The following MARCHF11 variants were observed in gnomAD, a reference collection of about 807,000 sequenced individuals.
MARCHF11 encodes E3 ubiquitin-protein ligase MARCHF11.
MARCHF11 carries 29 observed loss-of-function variants against 37.3 expected under a neutral mutation model. The ratio of observed to expected loss-of-function variants is 0.78; its 90% confidence interval spans 0.58 to 1.06. The LOEUF (loss-of-function observed/expected upper bound fraction) is 1.06. Among genes scored for constraint, MARCHF11 ranks in the 50% least tolerant of loss-of-function variants. MARCHF11 has a pLI of 0.00. For missense variants in MARCHF11, 482 were observed against 533.4 expected, an observed-to-expected ratio of 0.90 and a Z score of 0.95; for synonymous variants, 233 against 228.0, an observed-to-expected ratio of 1.02 and a Z score of -0.20.
At chr5:16,167,181 TGTA>T (rs1738186246) in intron 2 of MARCHF11, among the ~76,000 whole-genome samples, 1 of 135,016 alleles carries the variant, frequency 7.4e-6, no homozygotes, top group Non-Finnish European at 1.6e-5. Context: ...TGTGTGTGTG[TGTA>T]AGAGAGTAAT....
At chr5:16,112,760 C>A (rs773489448) in intron 2 of MARCHF11, among the ~76,000 whole-genome samples, 10 of 152,114 alleles carry the variant, frequency 6.6e-5, no homozygotes, top group Non-Finnish European at 1.2e-4. Flanking sequence ...CTACCTAAAT[C>A]TCATCTTGAA....
intron 3 of MARCHF11, among the ~76,000 whole-genome samples, chr5:16,086,461 C>T (rs562733741): frequency 6.6e-6 from 1 of 152,268 alleles, no homozygotes; most frequent in South Asian, 2.1e-4. Flanking sequence ...GAGACCAAAG[C>T]AATCCGTGTT....
At chr5:16,101,277 G>C (rs1408705882) in intron 2 of MARCHF11, among the ~76,000 whole-genome samples, 1 of 152,170 alleles carries the variant, frequency 6.6e-6, no homozygotes, top group African/African-American at 2.4e-5. Context: ...TCAGGAGGCT[G>C]AGGCAGGAGA....
At chr5:16,076,827 A>G (rs974497583) in intron 3 of MARCHF11, among the ~76,000 whole-genome samples, 4 of 152,240 alleles carry the variant, frequency 2.6e-5, no homozygotes, top group Non-Finnish European at 5.9e-5. Context: ...CAACTCAGAC[A>G]TCGGGAGCCA....
chr5:16,090,861 G>A (rs1013899823), intron 3 of MARCHF11, 28 bp downstream of exon 3: 4 of 1,445,596 alleles, frequency 2.8e-6, no homozygotes, highest in Non-Finnish European at 3.7e-6. Flanking sequence ...TACTGACAGT[G>A]TGTTAACGTT....
intron 3 of MARCHF11, among the ~76,000 whole-genome samples, chr5:16,085,815 C>T (rs1736687718): frequency 6.6e-6 from 1 of 151,546 alleles, no homozygotes; most frequent in South Asian, 2.1e-4. Flanking sequence ...AGGTGGGCGC[C>T]TGTAGTCCCA....
intron 2 of MARCHF11, among the ~76,000 whole-genome samples, chr5:16,111,217 C>G (rs1737132445): frequency 6.6e-6 from 1 of 152,102 alleles, no homozygotes. Context: ...GACTTTGGAA[C>G]TGGGTAACAG....
chr5:16,102,695 G>A (rs1736977813), intron 2 of MARCHF11, among the ~76,000 whole-genome samples: 1 of 152,146 alleles, frequency 6.6e-6, no homozygotes, highest in African/African-American at 2.4e-5. Context: ...CATATTTCAA[G>A]TCTGTGTGAC....
At chr5:16,114,588 G>C (rs912616298) in intron 2 of MARCHF11, among the ~76,000 whole-genome samples, 1 of 151,912 alleles carries the variant, frequency 6.6e-6, no homozygotes, top group South Asian at 2.1e-4. Context: ...AGAATCACTC[G>C]ATAGCCCAAC....
intron 2 of MARCHF11, among the ~76,000 whole-genome samples, chr5:16,120,018 T>C (rs537303759): frequency 3.9e-4 from 59 of 152,318 alleles, no homozygotes; most frequent in Non-Finnish European, 5.9e-4. Context: ...TCCAAGGACA[T>C]GAGCAGAGGC....
rs369954959 is a variant in MARCHF11 at position 16,106,064 on chromosome 5, AG to A, written c.694-14984del. On this transcript the variant is annotated intron_variant, in intron 2 of 3. Transcript: ENST00000332432. ...AAGAGACCATGAGTTTCATAATGGG[AG>A]CTGGGTGGACAGACATCAATGCAAG... 1.7e-3 allele frequency among the ~76,000 whole-genome samples: 256 copies of A among 152,286 alleles called. 3 individuals are homozygous for A. The highest frequency in any genetic ancestry group is 0.014 in the South Asian group (69 of 4,828).
Position 16,177,841 on chromosome 5 carries a change from C to T in MARCHF11, c.578G>A (p.Arg193Gln). Reference protein sequence around the residue: ...LNPCRCDGSVRYTHQLCLLKW... With the variant: ...LNPCRCDGSVQYTHQLCLLKW... Reference sequence around the variant, plus strand: ...TAGCAGGCACAGCTGATGTGTATACCGAACTGACCCATCACATCGGCAGGG... The same window carrying T: ...TAGCAGGCACAGCTGATGTGTATACTGAACTGACCCATCACATCGGCAGGG... Residue 193 changes from arginine to glutamine, a missense_variant, in exon 2 of 4, where the codon CGG becomes CAG. Transcript: ENST00000332432. The T allele has an allele frequency of 6.2e-7, 1 of 1,612,744 alleles. No individual in the cohort carries two copies. The highest frequency in any genetic ancestry group is 8.5e-7 in the Non-Finnish European group (1 of 1,179,352).
intron 2 of MARCHF11, among the ~76,000 whole-genome samples, chr5:16,092,221 A>G (rs1402734733): frequency 6.6e-6 from 1 of 152,092 alleles, no homozygotes; most frequent in Non-Finnish European, 1.5e-5. Flanking sequence ...TCTCTCATAC[A>G]CATACCATAA....
At chr5:16,150,492 G>A (rs1351256666) in intron 2 of MARCHF11, among the ~76,000 whole-genome samples, 1 of 149,674 alleles carries the variant, frequency 6.7e-6, no homozygotes, top group Non-Finnish European at 1.5e-5. Context: ...CTGTGAGTGG[G>A]AAAAGTATTG....
chr5:16,109,380 A>T (rs571390799), intron 2 of MARCHF11, among the ~76,000 whole-genome samples: 1 of 152,288 alleles, frequency 6.6e-6, no homozygotes, highest in East Asian at 1.9e-4. Context: ...ATGACCAATG[A>T]TGTAATCAAT....
At chr5:16,118,410 A>AG (rs1353531854) in intron 2 of MARCHF11, among the ~76,000 whole-genome samples, 32 of 144,764 alleles carry the variant, frequency 2.2e-4, no homozygotes, top group Admixed American at 2.1e-3. Flanking sequence ...AATAAGAGGC[A>AG]GGGGGGGAAT....
At chr5:16,158,270 A>AC (rs1738011909) in intron 2 of MARCHF11, among the ~76,000 whole-genome samples, 1 of 151,888 alleles carries the variant, frequency 6.6e-6, no homozygotes, top group Non-Finnish European at 1.5e-5. Context: ...TATGATGGTT[A>AC]CCCCAAAAAT....
intron 2 of MARCHF11, among the ~76,000 whole-genome samples, chr5:16,162,866 A>G (rs1171147213): frequency 1.3e-5 from 2 of 152,048 alleles, no homozygotes; most frequent in African/African-American, 4.8e-5. Flanking sequence ...TCAATAAGAG[A>G]CCATCAAATG....
chr5:16,070,743 G>T (rs1352150158), intron 3 of MARCHF11, among the ~76,000 whole-genome samples: 1 of 152,160 alleles, frequency 6.6e-6, no homozygotes, highest in African/African-American at 2.4e-5. Flanking sequence ...AGAACTACTT[G>T]AAGTTTTCAT....
Sources: gnomAD v4.1 joint callset for allele counts (sites outside exome capture counted in the v4.1 genomes callset) on GRCh38, gnomAD v4.1.1 for gene constraint, MANE v1.5 for transcripts, NCBI Gene and HGNC (gene_info 2026-07-23, HGNC 2026-07-21) for gene names.